The following CRISP2 variants were observed in gnomAD, a reference collection of about 807,000 sequenced individuals.
The protein encoded by CRISP2 is cysteine rich secretory protein 2, also known as cysteine-rich secretory protein 2.
CRISP2 carries 29 observed loss-of-function variants against 31.7 expected under a neutral mutation model. That is an observed-to-expected ratio of 0.92 (90% CI 0.68 to 1.25). CRISP2 has a LOEUF of 1.25. Among genes scored for constraint, CRISP2 ranks in the 50% most tolerant of loss-of-function variants. The pLI is 0.00. For synonymous variants in CRISP2, 111 were observed against 101.4 expected (o/e 1.09, Z -0.57); for missense variants, 318 against 286.5 (o/e 1.11, Z -0.79).
chr6:49,694,740 CTT>C (rs61258519), intron 9 of CRISP2, among the ~76,000 whole-genome samples: 5 of 141,866 alleles, frequency 3.5e-5, no homozygotes, highest in Admixed American at 7.0e-5. Context: ...CTATTTTTTT[CTT>C]TTTTTTTTTT....
At chr6:49,682,672 C>CT in the CRISP2 span, among the ~76,000 whole-genome samples, 8 of 121,920 alleles carry the variant, frequency 6.6e-5, no homozygotes, top group East Asian at 5.4e-4. Flanking sequence ...TCTTTCTTCT[C>CT]TCTCTTTCTG....
At position 49,702,021 on chromosome 6, in the gene CRISP2, A is replaced by G. The variant is rs534313974; in HGVS notation, c.67-1237T>C. The stretch of plus-strand genomic sequence containing the variant: ...TTATATTATACATATTAATGTATAC[A>G]TTATATATGTATACATATATAAGTT... On this transcript the variant is annotated intron_variant, in intron 4 of 9. Transcript: ENST00000339139. 5.2e-3 allele frequency among the ~76,000 whole-genome samples: 554 copies of G among 106,328 alleles called. 4 individuals are homozygous for G. Among genetic ancestry groups the G allele is most frequent in the African/African-American group, 0.019 (523 of 26,950 alleles). 69.8% of individuals were successfully genotyped at this position (106,328 alleles called of 152,430 possible).
At chr6:49,712,218 G>A (rs62413608) in intron 2 of CRISP2, among the ~76,000 whole-genome samples, 3,120 of 152,272 alleles carry the variant, frequency 0.02, 42 homozygotes, top group Non-Finnish European at 0.031. Flanking sequence ...AGCCTGAAGA[G>A]TTTTGTATAG....
chr6:49,696,032 T>A (rs550260747), intron 8 of CRISP2, 108 bp from the exon 9 acceptor site: 8 of 599,750 alleles, frequency 1.3e-5, no homozygotes, highest in South Asian at 3.1e-5. Context: ...TTTTAGTATG[T>A]TAACAAAACT....
intron 7 of CRISP2, among the ~76,000 whole-genome samples, 180 bp downstream of exon 7, chr6:49,698,182 C>T (rs1401937330): frequency 6.6e-6 from 1 of 152,074 alleles, no homozygotes; most frequent in African/African-American, 2.4e-5. Context: ...GTCTGCTTTC[C>T]TACTAAGAGT....
In CRISP2 at chr6:49,709,172, G is replaced by A; in HGVS notation, c.25C>T (p.Leu9=). The A allele has an allele frequency of 6.2e-7, 1 of 1,613,618 alleles. No homozygotes were observed. MALLPVLF[L]VTVLLPSLPA... is the part of the protein sequence containing the mutation. ...AAAGATGGAAGCAGCACAGTAACCA[G>A]AAACAACACCGGTAGTAAAGCCATT... The change falls in exon 4 of 10, where the codon CTG becomes TTG. Residue 9 remains leucine, a synonymous_variant. Transcript: ENST00000339139.
In CRISP2 at chr6:49,692,849, T is replaced by G. The variant is rs754147443; in HGVS notation, c.656A>C (p.Asn219Thr). 6.2e-7 allele frequency: 1 copy of G among 1,613,874 alleles called. No homozygotes were observed. Among genetic ancestry groups the G allele is most frequent in the South Asian group, 1.1e-5 (1 of 91,066 alleles). Residue 219 changes from asparagine (N) to threonine (T), a missense_variant, in exon 10 of 10, where the codon AAT (asparagine) becomes ACT (threonine). By Grantham distance (65) the Asn-to-Thr change is moderately conservative. Coordinates refer to ENST00000339139, the MANE Select transcript of CRISP2 (RefSeq NM_003296.4). ...TAACTCATGTTCACAGCCAGCTGTATTCTTCAAGGAATCACAGTTACTTAG... is the reference window on the plus strand; with the variant it reads ...TAACTCATGTTCACAGCCAGCTGTAGTCTTCAAGGAATCACAGTTACTTAG... ...DLLSNCDSLK[N>T]TAGCEHELLK...
the CRISP2 span, among the ~76,000 whole-genome samples, chr6:49,685,118 C>A: frequency 1.3e-5 from 2 of 152,158 alleles, no homozygotes; most frequent in African/African-American, 4.8e-5. Context: ...GCCTCATCAG[C>A]CCCCACTGCC....
chr6:49,705,797 G>A (rs969623937), intron 4 of CRISP2, among the ~76,000 whole-genome samples: 1 of 152,118 alleles, frequency 6.6e-6, no homozygotes, highest in Non-Finnish European at 1.5e-5. Flanking sequence ...TTTCTCCCAT[G>A]ATCTGGATTT....
At chr6:49,714,085 A>G (rs963974748), upstream of CRISP2, among the ~76,000 whole-genome samples, 1 of 152,186 alleles carries the variant, frequency 6.6e-6, no homozygotes, top group Admixed American at 6.5e-5. Flanking sequence ...AACAACTCTT[A>G]TGAAAATACG....
chr6:49,682,266 C>T, the CRISP2 span, among the ~76,000 whole-genome samples: 6 of 151,956 alleles, frequency 3.9e-5, no homozygotes, highest in Non-Finnish European at 7.4e-5. Context: ...CTTTAGGTGC[C>T]GTCTATACAA....
chr6:49,677,723 A>G, the CRISP2 span, among the ~76,000 whole-genome samples: 4 of 152,260 alleles, frequency 2.6e-5, no homozygotes, highest in African/African-American at 9.6e-5. Flanking sequence ...GGTGCAGGAT[A>G]CTAAACAGAG....
In CRISP2 at chr6:49,698,827, A is replaced by T. The variant is rs577010411; in HGVS notation, c.272-320T>A. 6.6e-5 allele frequency among the ~76,000 whole-genome samples: 10 copies of T among 152,254 alleles called. No homozygotes were observed. In the South Asian group the frequency reaches 2.1e-3, roughly 32 times the overall value. On this transcript the variant is annotated intron_variant, in intron 6 of 9. Coordinates refer to ENST00000339139, the MANE Select transcript of CRISP2 (RefSeq NM_003296.4). ...CCAGCTGTATATGGTAAGCTTGCTA[A>T]AGGCAGTGACCAACTCTTATATTCT...
chr6:49,710,060 C>T (rs781239631), intron 3 of CRISP2, among the ~76,000 whole-genome samples: 1 of 152,156 alleles, frequency 6.6e-6, no homozygotes, highest in Non-Finnish European at 1.5e-5. Context: ...TAAAGTTATG[C>T]TGCCTAGATT....
chr6:49,699,677 G>A, intron 6 of CRISP2, 127 bp downstream of exon 6: 1 of 655,736 alleles, frequency 1.5e-6, no homozygotes, highest in Non-Finnish European at 2.6e-6. Flanking sequence ...CAGATACTTT[G>A]ACTTCAAAAA....
the CRISP2 span, among the ~76,000 whole-genome samples, chr6:49,682,623 CTTTCT>C: frequency 1.3e-5 from 1 of 75,816 alleles, no homozygotes; most frequent in South Asian, 5.9e-4. Flanking sequence ...TTCTTTCTTT[CTTTCT>C]TTCTTTCTTT....
downstream of CRISP2, among the ~76,000 whole-genome samples, chr6:49,690,839 T>G (rs1360528856): frequency 1.3e-5 from 2 of 152,066 alleles, no homozygotes; most frequent in Non-Finnish European, 2.9e-5. Flanking sequence ...ACAAATTCAA[T>G]TATATAAGAC....
At chr6:49,688,154 T>C (rs1196103012), downstream of CRISP2, among the ~76,000 whole-genome samples, 1 of 152,204 alleles carries the variant, frequency 6.6e-6, no homozygotes, top group Non-Finnish European at 1.5e-5. Flanking sequence ...AGCAAAGTCT[T>C]ACTGTTCACT....
chr6:49,681,549 T>G, the CRISP2 span, among the ~76,000 whole-genome samples: 1 of 152,168 alleles, frequency 6.6e-6, no homozygotes, highest in African/African-American at 2.4e-5. Context: ...ACATATAGAT[T>G]TATAAAACAG....
Sources: gnomAD v4.1 joint callset for allele counts (sites outside exome capture counted in the v4.1 genomes callset) on GRCh38, gnomAD v4.1.1 for gene constraint, MANE v1.5 for transcripts, NCBI Gene and HGNC (gene_info 2026-07-23, HGNC 2026-07-21) for gene names.